The following MSH3 variants were observed in gnomAD, a reference collection of about 807,000 sequenced individuals.
MSH3 encodes DNA mismatch repair protein Msh3.
In MSH3, 106 loss-of-function variants were observed where a neutral mutation model predicts 123.3. The ratio of observed to expected loss-of-function variants is 0.86; its 90% CI spans 0.73 to 1.01. The LOEUF (loss-of-function observed/expected upper bound fraction) is 1.01, where lower values mean the gene tolerates loss of function less well. Ranked by LOEUF, MSH3 falls within the 50% of genes least tolerant of loss-of-function variation. The pLI is 0.00. For synonymous variants in MSH3, 515 were observed against 481.4 expected (o/e 1.07, Z -0.91); for missense variants, 1,459 against 1,347.6 (o/e 1.08, Z -1.29).
At chr5:80,679,199 TTA>T in intron 8 of MSH3, 106 bp downstream of exon 8, 1 of 1,232,804 alleles carries the variant, frequency 8.1e-7, no homozygotes, top group Non-Finnish European at 1.2e-6. Flanking sequence ...CTTACAAAAA[TTA>T]TATTTCCACT....
Position 80,707,308 on chromosome 5 carries a change from A to G in MSH3, c.1341-18145A>G, listed in dbSNP as rs141923687. The stretch of plus-strand genomic sequence containing the variant: ...ACATTTGGGTTTCCAGCTTTTGGCT[A>G]TTTTCATTAAAGTTACTAACATTTG... On this transcript the variant is annotated intron_variant, in intron 8 of 23. Transcript: ENST00000265081. Among the ~76,000 whole-genome samples the G allele has an allele frequency of 1.7e-3, 263 of 152,262 alleles. 2 individuals are homozygous for G. Among genetic ancestry groups the G allele is most frequent in the African/African-American group, 6.0e-3 (249 of 41,546 alleles).
intron 7 of MSH3, among the ~76,000 whole-genome samples, chr5:80,676,306 C>T (rs1405787182): frequency 1.3e-5 from 2 of 152,226 alleles, no homozygotes; most frequent in African/African-American, 2.4e-5. Context: ...GTTAGGATTA[C>T]AGGCGTGAGC....
intron 17 of MSH3, among the ~76,000 whole-genome samples, chr5:80,780,149 G>A (rs892821839): frequency 2.0e-5 from 3 of 152,170 alleles, no homozygotes; most frequent in African/African-American, 7.2e-5. Flanking sequence ...GTCATGGCAT[G>A]CTGGCCAATG....
chr5:80,732,713 C>T (rs553139787), intron 10 of MSH3, among the ~76,000 whole-genome samples: 53 of 152,114 alleles, frequency 3.5e-4, no homozygotes, highest in Non-Finnish European at 6.6e-4. Context: ...GGATTTATTT[C>T]GGGTATACTG....
At chr5:80,758,592 C>G (rs943513228) in intron 12 of MSH3, among the ~76,000 whole-genome samples, 5 of 152,170 alleles carry the variant, frequency 3.3e-5, no homozygotes, top group African/African-American at 1.2e-4. Flanking sequence ...TAAAACCAAA[C>G]TGATTGATAG....
intron 12 of MSH3, among the ~76,000 whole-genome samples, chr5:80,747,704 A>G (rs1469046350): frequency 6.6e-6 from 1 of 152,164 alleles, no homozygotes; most frequent in Non-Finnish European, 1.5e-5. Context: ...TTGCATATAC[A>G]GAGGTGTTTT....
chr5:80,728,118 A>G (rs1236248514), intron 9 of MSH3, among the ~76,000 whole-genome samples: 2 of 152,186 alleles, frequency 1.3e-5, no homozygotes, highest in Non-Finnish European at 2.9e-5. Context: ...GGTCACTTTA[A>G]GGGCTTTGAC....
At chr5:80,711,678 G>T (rs1344821644) in intron 8 of MSH3, among the ~76,000 whole-genome samples, 2 of 150,532 alleles carry the variant, frequency 1.3e-5, no homozygotes, top group African/African-American at 4.9e-5. Flanking sequence ...TTTTTGACAT[G>T]GTGTCTCATT....
chr5:80,794,339 T>C (rs1744661213), intron 19 of MSH3, among the ~76,000 whole-genome samples: 1 of 152,134 alleles, frequency 6.6e-6, no homozygotes, highest in Non-Finnish European at 1.5e-5. Context: ...CCTTGAGCTG[T>C]TAGAAACTAT....
At chr5:80,673,835 T>C (rs1223702540) in intron 6 of MSH3, among the ~76,000 whole-genome samples, 1 of 152,144 alleles carries the variant, frequency 6.6e-6, no homozygotes, top group African/African-American at 2.4e-5. Context: ...CAAATAATTA[T>C]ATGTAAAATT....
chr5:80,868,022 C>G (rs976130545), intron 22 of MSH3, among the ~76,000 whole-genome samples: 7 of 152,076 alleles, frequency 4.6e-5, no homozygotes, highest in African/African-American at 1.7e-4. Context: ...ATGATAAAAG[C>G]AAAACATCAC....
chr5:80,746,593 C>T, intron 12 of MSH3: 1 of 377,490 alleles, frequency 2.6e-6, no homozygotes, highest in Non-Finnish European at 5.2e-6. Context: ...TGTTCGTTTT[C>T]TTTGTTCGCA....
At chr5:80,816,759 C>T (rs988556624) in intron 20 of MSH3, among the ~76,000 whole-genome samples, 28 of 152,090 alleles carry the variant, frequency 1.8e-4, no homozygotes, top group African/African-American at 6.5e-4. Flanking sequence ...CAGGACTTGG[C>T]GATAGATAGG....
chr5:80,788,524 A>G (rs1332275109), intron 18 of MSH3, among the ~76,000 whole-genome samples: 1 of 151,674 alleles, frequency 6.6e-6, no homozygotes, highest in Non-Finnish European at 1.5e-5. Context: ...CTTAAGAAAA[A>G]GTAAGACTAG....
chr5:80,734,162 C>T (rs1443253812), intron 10 of MSH3, among the ~76,000 whole-genome samples: 1 of 152,080 alleles, frequency 6.6e-6, no homozygotes, highest in South Asian at 2.1e-4. Flanking sequence ...CATGATGAAC[C>T]TTGAAAATAT....
intron 15 of MSH3, among the ~76,000 whole-genome samples, chr5:80,773,752 ATTAG>A (rs1386995640): frequency 1.3e-5 from 2 of 152,038 alleles, no homozygotes; most frequent in African/African-American, 4.8e-5. Context: ...GAATCATTGA[ATTAG>A]TTCTTTTGTT....
At chr5:80,870,280 GGACA>G (rs1197319311) in intron 22 of MSH3, among the ~76,000 whole-genome samples, 2 of 151,950 alleles carry the variant, frequency 1.3e-5, no homozygotes, top group Non-Finnish European at 2.9e-5. Context: ...ATGGATAGAT[GGACA>G]GACAGACAGA....
At chr5:80,845,641 T>G (rs1036993702) in intron 20 of MSH3, among the ~76,000 whole-genome samples, 2 of 152,218 alleles carry the variant, frequency 1.3e-5, no homozygotes, top group African/African-American at 4.8e-5. Context: ...CTCACTTTAT[T>G]TCATTAATTT....
intron 2 of MSH3, among the ~76,000 whole-genome samples, chr5:80,660,826 T>C (rs754055008): frequency 5.3e-5 from 8 of 152,156 alleles, no homozygotes; most frequent in Non-Finnish European, 8.8e-5. Flanking sequence ...CGAGACAGCC[T>C]GTGCTGTCTA....
Sources: gnomAD v4.1 joint callset for allele counts (sites outside exome capture counted in the v4.1 genomes callset) on GRCh38, gnomAD v4.1.1 for gene constraint, MANE v1.5 for transcripts, NCBI Gene and HGNC (gene_info 2026-07-23, HGNC 2026-07-21) for gene names.